THRB: variants seen among roughly 807,000 people sequenced by gnomAD.
THRB encodes the protein thyroid hormone receptor beta.
Under a neutral mutation model 47.8 loss-of-function variants are expected in THRB, and 12 were observed. The ratio of observed to expected loss-of-function variants is 0.25; its 90% confidence interval spans 0.16 to 0.41. The LOEUF (loss-of-function observed/expected upper bound fraction) is 0.41. Ranked by LOEUF, THRB falls within the 10% of genes least tolerant of loss-of-function variation. The pLI, the probability that THRB is intolerant of heterozygous loss-of-function variation, is 1.00. For missense variants in THRB, 348 were observed against 589.2 expected, an observed-to-expected ratio of 0.59 and a Z score of 4.24; for synonymous variants, 218 against 212.2, an observed-to-expected ratio of 1.03 and a Z score of -0.24.
intron 1 of THRB, among the ~76,000 whole-genome samples, chr3:24,339,387 T>C (rs913905318): frequency 6.6e-6 from 1 of 152,114 alleles, no homozygotes; most frequent in Non-Finnish European, 1.5e-5. Flanking sequence ...AATGACCCCG[T>C]TTTCCAGATG....
At chr3:24,459,625 G>A (rs2073515054) in intron 1 of THRB, among the ~76,000 whole-genome samples, 1 of 152,176 alleles carries the variant, frequency 6.6e-6, no homozygotes, top group Admixed American at 6.5e-5. Flanking sequence ...TCTAGCATCT[G>A]TTGTTTCCTG....
At chr3:24,381,404 C>CT (rs1488580045) in intron 1 of THRB, among the ~76,000 whole-genome samples, 1 of 152,124 alleles carries the variant, frequency 6.6e-6, no homozygotes, top group Non-Finnish European at 1.5e-5. Context: ...GGGCAGGACT[C>CT]TGAGGGGTCA....
At chr3:24,382,862 G>A (rs2065816401) in intron 1 of THRB, among the ~76,000 whole-genome samples, 1 of 151,914 alleles carries the variant, frequency 6.6e-6, no homozygotes, top group East Asian at 1.9e-4. Flanking sequence ...CTGAATTCCA[G>A]CACAGCACTT....
chr3:24,337,834 T>C (rs1310386596), intron 1 of THRB, among the ~76,000 whole-genome samples: 1 of 151,890 alleles, frequency 6.6e-6, no homozygotes, highest in Non-Finnish European at 1.5e-5. Context: ...CACTGCCATA[T>C]GAACCTGTGG....
intron 3 of THRB, among the ~76,000 whole-genome samples, chr3:24,262,575 C>G (rs2052179785): frequency 6.6e-6 from 1 of 152,194 alleles, no homozygotes; most frequent in African/African-American, 2.4e-5. Flanking sequence ...AAGGGTTGCT[C>G]TCACCTCAGG....
chr3:24,478,106 T>C (rs1027614007), intron 1 of THRB, among the ~76,000 whole-genome samples: 40 of 152,166 alleles, frequency 2.6e-4, no homozygotes, highest in Non-Finnish European at 1.2e-4. Flanking sequence ...CATCATTTCA[T>C]AATTCTAAAC....
intron 3 of THRB, among the ~76,000 whole-genome samples, chr3:24,267,898 T>G (rs746256071): frequency 3.3e-5 from 5 of 152,204 alleles, no homozygotes; most frequent in Non-Finnish European, 7.3e-5. Flanking sequence ...TATCATGAAT[T>G]AACAAACATC....
chr3:24,370,220 T>G (rs568320373), intron 1 of THRB, among the ~76,000 whole-genome samples: 1 of 152,238 alleles, frequency 6.6e-6, no homozygotes, highest in South Asian at 2.1e-4. Flanking sequence ...AAAATTATTT[T>G]CAGATAACTT....
chr3:24,474,509 T>C (rs1165624063), intron 1 of THRB, among the ~76,000 whole-genome samples: 4 of 152,222 alleles, frequency 2.6e-5, no homozygotes, highest in African/African-American at 7.2e-5. Flanking sequence ...CAAAATCTAC[T>C]GGAGTTGGCA....
At chr3:24,141,332 G>C (rs1363637519) in intron 8 of THRB, among the ~76,000 whole-genome samples, 1 of 152,170 alleles carries the variant, frequency 6.6e-6, no homozygotes, top group Non-Finnish European at 1.5e-5. Flanking sequence ...GAAGATATTT[G>C]ATTATATTTT....
chr3:24,283,156 T>C (rs1576532974), intron 3 of THRB, among the ~76,000 whole-genome samples: 1 of 152,110 alleles, frequency 6.6e-6, no homozygotes, highest in East Asian at 1.9e-4. Flanking sequence ...ACCAATATCC[T>C]TGATGAACAT....
chr3:24,258,219 A>C (rs910857238), intron 3 of THRB, among the ~76,000 whole-genome samples: 7 of 152,174 alleles, frequency 4.6e-5, no homozygotes, highest in Non-Finnish European at 1.0e-4. Flanking sequence ...GGCACCCAGC[A>C]ATGCAAGCGA....
rs192626117 is a variant in THRB at position 24,459,665 on chromosome 3, G to A, written c.-261+34987C>T. 3.3e-3 allele frequency among the ~76,000 whole-genome samples: 507 copies of A among 152,240 alleles called. 4 individuals carry two copies. The highest frequency in any genetic ancestry group is 0.012 in the African/African-American group (484 of 41,540). On this transcript the variant is annotated intron_variant, in intron 1 of 10. Transcript: ENST00000646209. ...TTTAATGATCGTCATTCTAGCTGGC[G>A]TGAGATGGTATCTCATTGGGGTTTT...
intron 5 of THRB, among the ~76,000 whole-genome samples, chr3:24,174,317 C>T (rs994976878): frequency 6.6e-6 from 1 of 152,206 alleles, no homozygotes; most frequent in Admixed American, 6.5e-5. Flanking sequence ...GCTTATCTCT[C>T]TGTAGCTTTG....
At chr3:24,286,875 G>T (rs972434367) in intron 3 of THRB, among the ~76,000 whole-genome samples, 11 of 152,162 alleles carry the variant, frequency 7.2e-5, no homozygotes, top group African/African-American at 2.4e-4. Context: ...AGCCTGGGCG[G>T]CATGGGGTTC....
chr3:24,266,852 T>C (rs2052712687), intron 3 of THRB, among the ~76,000 whole-genome samples: 2 of 150,928 alleles, frequency 1.3e-5, no homozygotes, highest in Admixed American at 1.3e-4. Context: ...TGAAAAGATA[T>C]AACATGAACC....
At chr3:24,494,881 C>G (rs933021849), upstream of THRB, 1 of 152,304 alleles carries the variant, frequency 6.6e-6, no homozygotes, top group Non-Finnish European at 1.5e-5. Context: ...GCAGTCTCCA[C>G]CCTCCTCCGC....
chr3:24,238,286 G>A (rs560190987), intron 3 of THRB, among the ~76,000 whole-genome samples: 4 of 136,224 alleles, frequency 2.9e-5, no homozygotes, highest in Non-Finnish European at 6.6e-5. Flanking sequence ...TGTGGGGGGG[G>A]GGGGGGTGTG....
chr3:24,411,982 C>T (rs1023404546), intron 1 of THRB, among the ~76,000 whole-genome samples: 4 of 151,384 alleles, frequency 2.6e-5, no homozygotes, highest in South Asian at 2.1e-4. Flanking sequence ...GTTTTCAGGA[C>T]GTTTCTAAAT....
Sources: gnomAD v4.1 joint callset for allele counts (sites outside exome capture counted in the v4.1 genomes callset) on GRCh38, gnomAD v4.1.1 for gene constraint, MANE v1.5 for transcripts, NCBI Gene and HGNC (gene_info 2026-07-23, HGNC 2026-07-21) for gene names.